The following FGF7 variants were observed in gnomAD, a reference collection of about 807,000 sequenced individuals.
FGF7 encodes the protein FGF-7.
FGF7 carries 6 observed loss-of-function variants against 20.5 expected under a neutral mutation model. The ratio of observed to expected loss-of-function variants is 0.29; its 90% confidence interval spans 0.16 to 0.58. The LOEUF (loss-of-function observed/expected upper bound fraction) is 0.58. FGF7 is among the 20% of genes least tolerant of loss of function. The probability of loss-of-function intolerance (pLI) is 0.90; values close to 1 mark genes in which losing one functional copy is unlikely to be tolerated. For synonymous variants in FGF7, 64 were observed against 74.7 expected (o/e 0.86, Z 0.74); for missense variants, 144 against 228.8 (o/e 0.63, Z 2.39).
chr15:49,433,256 T>A (rs985952787), intron 2 of FGF7, among the ~76,000 whole-genome samples: 6 of 151,664 alleles, frequency 4.0e-5, no homozygotes, highest in African/African-American at 1.2e-4. Flanking sequence ...ATCTGCCTTG[T>A]CTTATGATTC....
chr15:49,470,388 C>T (rs2054636763), intron 2 of FGF7, among the ~76,000 whole-genome samples: 1 of 152,006 alleles, frequency 6.6e-6, no homozygotes, highest in Admixed American at 6.6e-5. Flanking sequence ...TCTGTTGATC[C>T]TACATATCTA....
At chr15:49,455,471 T>C (rs2053196267) in intron 2 of FGF7, among the ~76,000 whole-genome samples, 1 of 152,184 alleles carries the variant, frequency 6.6e-6, no homozygotes, top group Non-Finnish European at 1.5e-5. Flanking sequence ...TAAGGCAATG[T>C]TAAAAATAAT....
chr15:49,478,000 T>A (rs1212159142), intron 2 of FGF7, among the ~76,000 whole-genome samples: 4 of 152,054 alleles, frequency 2.6e-5, no homozygotes, highest in African/African-American at 4.8e-5. Flanking sequence ...GATACTGAGG[T>A]TTGAGGTATG....
At chr15:49,450,540 A>T (rs956478036) in intron 2 of FGF7, among the ~76,000 whole-genome samples, 4 of 152,132 alleles carry the variant, frequency 2.6e-5, no homozygotes, top group Admixed American at 6.6e-5. Flanking sequence ...TTTCTCAGAA[A>T]TATTTACTCT....
chr15:49,476,232 G>GTTTTTTTTTTTTTTTTTTTTTTT lies in FGF7; in HGVS notation c.287-6906_287-6905insTTTTTTTTTTTTTTTTTTTTTTT. Among the ~76,000 whole-genome samples the GTTTTTTTTTTTTTTTTTTTTTTT allele has an allele frequency of 1.2e-3, 68 of 57,434 alleles. 11 individuals are homozygous for GTTTTTTTTTTTTTTTTTTTTTTT. The highest frequency in any genetic ancestry group is 1.7e-3 in the South Asian group (3 of 1,816). The allele number at this position is 57,434 out of a possible 152,430, so 37.7% of individuals were successfully genotyped here. A position where few individuals can be genotyped will look rare whatever the true frequency, so the allele number is the denominator to read the frequency against. Reference sequence around the variant, plus strand: ...TTGCTGTTTTGTTTTTTTGTTTTTGGTTTTTTTTTTTTTGCATTTGGCATA... The same window carrying GTTTTTTTTTTTTTTTTTTTTTTT: ...TTGCTGTTTTGTTTTTTTGTTTTTGGTTTTTTTTTTTTTTTTTTTTTTTTTTTTTTTTTTTTGCATTTGGCATA... On this transcript the variant is annotated intron_variant, in intron 2 of 3. Coordinates refer to ENST00000267843, the MANE Select transcript of FGF7 (RefSeq NM_002009.4).
At chr15:49,467,418 C>G (rs886626613) in intron 2 of FGF7, among the ~76,000 whole-genome samples, 2 of 152,078 alleles carry the variant, frequency 1.3e-5, no homozygotes, top group East Asian at 3.9e-4. Context: ...TAGGTGTTAA[C>G]TCCTCCCTGG....
At chr15:49,454,442 A>G (rs1036994104) in intron 2 of FGF7, among the ~76,000 whole-genome samples, 1 of 152,170 alleles carries the variant, frequency 6.6e-6, no homozygotes, top group African/African-American at 2.4e-5. Flanking sequence ...TGCTCTGTTT[A>G]TAGAAAATAT....
intron 2 of FGF7, among the ~76,000 whole-genome samples, chr15:49,426,868 A>G (rs2050175808): frequency 6.6e-6 from 1 of 151,950 alleles, no homozygotes; most frequent in Non-Finnish European, 1.5e-5. Context: ...CTTTCTTGAT[A>G]TCGTTAATTA....
At chr15:49,474,575 A>G (rs534212250) in intron 2 of FGF7, among the ~76,000 whole-genome samples, 2 of 152,248 alleles carry the variant, frequency 1.3e-5, no homozygotes, top group South Asian at 2.1e-4. Flanking sequence ...TGTTTAATAA[A>G]TAATGTTGAA....
intron 2 of FGF7, among the ~76,000 whole-genome samples, chr15:49,476,568 C>A (rs187778205): frequency 4.0e-5 from 6 of 151,174 alleles, no homozygotes; most frequent in Admixed American, 2.6e-4. Context: ...GTAAGAAGAT[C>A]TTAATCCATT....
rs576626521 is a variant in FGF7 at position 49,437,886 on chromosome 15, G to T, written c.286+13303G>T. On this transcript the variant is annotated intron_variant, in intron 2 of 3. Coordinates refer to ENST00000267843, the MANE Select transcript of FGF7 (RefSeq NM_002009.4). ...CAGGGAGTTAGAGGACTCTAGTGGAGGCCAGCTAACAGAACCTGGGAGAGA... is the reference window on the plus strand; with the variant it reads ...CAGGGAGTTAGAGGACTCTAGTGGATGCCAGCTAACAGAACCTGGGAGAGA... Among the ~76,000 whole-genome samples, 6 of 151,670 alleles carry T rather than the reference G, an allele frequency of 4.0e-5. No individual in the cohort carries two copies. In the South Asian group the frequency reaches 1.2e-3, roughly 32 times the overall value.
At chr15:49,436,020 T>C (rs2051070107) in intron 2 of FGF7, among the ~76,000 whole-genome samples, 1 of 151,544 alleles carries the variant, frequency 6.6e-6, no homozygotes, top group African/African-American at 2.4e-5. Flanking sequence ...AATATCTCCA[T>C]GCTGTAAGCT....
intron 2 of FGF7, among the ~76,000 whole-genome samples, chr15:49,465,528 C>T (rs545022779): frequency 3.9e-5 from 6 of 152,110 alleles, no homozygotes; most frequent in Non-Finnish European, 8.8e-5. Context: ...AGTTGTTACC[C>T]ATAATATGAG....
rs530923675 is a variant in FGF7, at chr15:49,452,522, T to A, written c.286+27939T>A. Among the ~76,000 whole-genome samples, 138 of 152,320 alleles carry A rather than the reference T, an allele frequency of 9.1e-4. 5 individuals are homozygous for A. In the South Asian group the frequency reaches 0.027, roughly 30 times the overall value. Reference sequence around the variant, plus strand: ...CTGGATGTTATTTTCTGGTTCTTCATAAAAAGATCTATGCAGATTTTTTAA... The same window carrying A: ...CTGGATGTTATTTTCTGGTTCTTCAAAAAAAGATCTATGCAGATTTTTTAA... On this transcript the variant is annotated intron_variant, in intron 2 of 3. Transcript: ENST00000267843.
chr15:49,432,849 C>A (rs541381225), intron 2 of FGF7, among the ~76,000 whole-genome samples: 1 of 151,446 alleles, frequency 6.6e-6, no homozygotes, highest in African/African-American at 2.4e-5. Flanking sequence ...ATAGGACCAC[C>A]CTCCTGTAAC....
rs1163222144 is a variant in FGF7 at position 49,487,240 on chromosome 15, G to T, written c.*2736G>T. On this transcript the variant is annotated 3_prime_UTR_variant, in exon 4 of 4. Transcript: ENST00000267843. ...CTTTTGTTTATGAATGGAAAGCTTTGTGCAAAATATACATATAAGCAGAGT... is the reference window on the plus strand; with the variant it reads ...CTTTTGTTTATGAATGGAAAGCTTTTTGCAAAATATACATATAAGCAGAGT... 1 of 151,638 alleles carries T rather than the reference G, an allele frequency of 6.6e-6. No homozygotes were observed. The highest frequency in any genetic ancestry group is 2.4e-5 in the African/African-American group (1 of 41,342). 9.4% of individuals were successfully genotyped at this position (151,638 alleles called of 1,614,324 possible). A position where few individuals can be genotyped will look rare whatever the true frequency, so the allele number is the denominator to read the frequency against.
Position 49,438,188 on chromosome 15 carries a change from CT to C in FGF7, c.286+13608del, listed in dbSNP as rs376907682. On this transcript the variant is annotated intron_variant, in intron 2 of 3. Coordinates refer to ENST00000267843, the MANE Select transcript of FGF7 (RefSeq NM_002009.4). ...GAAAGTTGTTTTAGGGAATATGAAG[CT>C]TTACCCATAGGCTATAAGGAGCCAT... 2.2e-4 allele frequency among the ~76,000 whole-genome samples: 33 copies of C among 151,778 alleles called. No individual in the cohort carries two copies. In the East Asian group the frequency reaches 3.9e-3, roughly 18 times the overall value.
At chr15:49,425,333 G>C (rs751826556) in intron 2 of FGF7, 16 of 151,860 alleles carry the variant, frequency 1.1e-4, no homozygotes, top group Non-Finnish European at 1.5e-4. Flanking sequence ...TTTTTCCCAA[G>C]AATCAGTTAT....
At chr15:49,479,330 T>G (rs976173134) in intron 2 of FGF7, among the ~76,000 whole-genome samples, 30 of 152,254 alleles carry the variant, frequency 2.0e-4, no homozygotes, top group South Asian at 4.1e-4. Context: ...CTATGTAATA[T>G]GCTTTAAATC....
Sources: allele counts gnomAD v4.1 joint callset (sites outside exome capture counted in the v4.1 genomes callset), GRCh38; gene constraint gnomAD v4.1.1; transcripts MANE v1.5; gene names NCBI Gene and HGNC (gene_info 2026-07-23, HGNC 2026-07-21).